Variants in ELMO1 observed in about 807,000 individuals in gnomAD.
ELMO1 encodes the protein engulfment and cell motility 1.
A neutral mutation model predicts 98.9 loss-of-function variants in ELMO1; 26 were observed. The ratio of observed to expected loss-of-function variants is 0.26; its 90% confidence interval spans 0.19 to 0.36. The LOEUF is 0.36. Among genes scored for constraint, ELMO1 ranks in the 10% least tolerant of loss-of-function variants. ELMO1 has a pLI of 1.00. For synonymous variants in ELMO1, 346 were observed against 346.0 expected, an observed-to-expected ratio of 1.00 and a Z score of 0.00; for missense variants, 627 against 935.2, an observed-to-expected ratio of 0.67 and a Z score of 4.30.
Position 37,296,985 on chromosome 7 carries a change from T to C in ELMO1, c.192+17865A>G, listed in dbSNP as rs771417911. 4.9e-4 allele frequency among the ~76,000 whole-genome samples: 75 copies of C among 152,200 alleles called. 1 individual carries two copies. Among genetic ancestry groups the C allele is most frequent in the Non-Finnish European group, 1.0e-4 (7 of 68,040 alleles). ...ACAGGTGCAGCAGCAGCGAACTTGC[T>C]GAGATGATTTTTCTTGAGTGGGTGG... On this transcript the variant is annotated intron_variant, in intron 4 of 21. Coordinates refer to ENST00000310758, the MANE Select transcript of ELMO1 (RefSeq NM_014800.11).
chr7:37,026,999 T>C (rs1794618007), intron 15 of ELMO1, among the ~76,000 whole-genome samples: 1 of 152,160 alleles, frequency 6.6e-6, no homozygotes, highest in South Asian at 2.1e-4. Context: ...TATGTTCCAC[T>C]TCAGGCACAG....
intron 13 of ELMO1, among the ~76,000 whole-genome samples, chr7:37,206,811 T>C (rs1563077070): frequency 6.6e-6 from 1 of 152,122 alleles, no homozygotes. Flanking sequence ...CATTATATTG[T>C]TGAGAAACAA....
chr7:37,445,070 A>G (rs1805556489), intron 1 of ELMO1, among the ~76,000 whole-genome samples: 1 of 152,174 alleles, frequency 6.6e-6, no homozygotes, highest in Admixed American at 6.5e-5. Context: ...TGACATTAAG[A>G]CTGGGTGTCT....
intron 4 of ELMO1, among the ~76,000 whole-genome samples, chr7:37,273,307 T>C (rs1796665657): frequency 6.6e-6 from 1 of 152,204 alleles, no homozygotes; most frequent in Non-Finnish European, 1.5e-5. Flanking sequence ...AACTGGATAA[T>C]AGGGGCAGTT....
At chr7:36,874,185 A>T (rs930232085) in intron 19 of ELMO1, among the ~76,000 whole-genome samples, 1 of 152,224 alleles carries the variant, frequency 6.6e-6, no homozygotes, top group Non-Finnish European at 1.5e-5. Flanking sequence ...TGTAACTCTA[A>T]CATTATCTAT....
chr7:37,132,925 G>A (rs541029354), intron 14 of ELMO1: 59 of 364,282 alleles, frequency 1.6e-4, no homozygotes, highest in African/African-American at 1.1e-3. Flanking sequence ...TAATGTCATC[G>A]AAATAAAAAA....
chr7:37,157,489 G>T (rs929343291), intron 13 of ELMO1, among the ~76,000 whole-genome samples: 1 of 152,148 alleles, frequency 6.6e-6, no homozygotes, highest in South Asian at 2.1e-4. Flanking sequence ...CAAAATCAAT[G>T]TGCAAAAATC....
At chr7:37,274,655 C>T (rs1341898691) in intron 4 of ELMO1, among the ~76,000 whole-genome samples, 3 of 152,098 alleles carry the variant, frequency 2.0e-5, no homozygotes, top group African/African-American at 7.2e-5. Context: ...CAGGTTCAAG[C>T]GATTCTCCTG....
intron 15 of ELMO1, among the ~76,000 whole-genome samples, chr7:37,023,638 T>C (rs775233670): frequency 6.6e-6 from 1 of 152,100 alleles, no homozygotes; most frequent in Non-Finnish European, 1.5e-5. Context: ...GATGGAGTCT[T>C]GCTCTGTCAC....
intron 14 of ELMO1, among the ~76,000 whole-genome samples, chr7:37,112,183 A>G (rs2129277478): frequency 6.6e-6 from 1 of 152,356 alleles, no homozygotes; most frequent in African/African-American, 2.4e-5. Context: ...GACAGAAAGT[A>G]AGGGCATAGG....
chr7:36,985,155 A>G (rs1339371296), intron 16 of ELMO1: 1 of 972,246 alleles, frequency 1.0e-6, no homozygotes, highest in Non-Finnish European at 1.2e-6. Context: ...AACCCCAGGG[A>G]GCAGAGCAAT....
intron 13 of ELMO1, among the ~76,000 whole-genome samples, chr7:37,199,615 T>C (rs1792169693): frequency 6.6e-6 from 1 of 152,112 alleles, no homozygotes; most frequent in African/African-American, 2.4e-5. Flanking sequence ...GGGAGTAACA[T>C]ATCCCATACG....
chr7:37,427,393 A>G (rs1229827023), intron 1 of ELMO1, among the ~76,000 whole-genome samples: 1 of 152,264 alleles, frequency 6.6e-6, no homozygotes, highest in East Asian at 1.9e-4. Context: ...GCAGCTCTGC[A>G]TGGAAGAATC....
In ELMO1 at chr7:37,293,045, G is replaced by C. The variant is rs1375886067; in HGVS notation, c.193-21163C>G. Reference sequence around the variant, plus strand: ...AGCCGCCCCGTCCGGGAGGGAGGTGGGGGGGTCAGCCCCCTGCCCGGCCAG... The same window carrying C: ...AGCCGCCCCGTCCGGGAGGGAGGTGCGGGGGTCAGCCCCCTGCCCGGCCAG... On this transcript the variant is annotated intron_variant, in intron 4 of 21. Coordinates refer to ENST00000310758, the MANE Select transcript of ELMO1 (RefSeq NM_014800.11). 5.7e-3 allele frequency among the ~76,000 whole-genome samples: 243 copies of C among 42,402 alleles called. 59 individuals are homozygous for C. Among genetic ancestry groups the C allele is most frequent in the African/African-American group, 0.014 (231 of 16,738 alleles). The allele number at this position is 42,402 out of a possible 152,430, so 27.8% of individuals were successfully genotyped here.
At chr7:36,966,430 T>C (rs2129127135) in intron 16 of ELMO1, among the ~76,000 whole-genome samples, 1 of 152,272 alleles carries the variant, frequency 6.6e-6, no homozygotes, top group East Asian at 1.9e-4. Context: ...TATCTACTGC[T>C]CCCCAAATAA....
intron 13 of ELMO1, among the ~76,000 whole-genome samples, chr7:37,142,290 T>C (rs760165754): frequency 6.6e-6 from 1 of 152,238 alleles, no homozygotes; most frequent in African/African-American, 2.4e-5. Context: ...TACACACAAA[T>C]TGATTATTTT....
In ELMO1 at chr7:36,870,135, G is replaced by A. The variant is rs1803385210; in HGVS notation, c.1905+258C>T. Among the ~76,000 whole-genome samples, 1 of 152,170 alleles carries A rather than the reference G, an allele frequency of 6.6e-6. No homozygotes were observed. Among genetic ancestry groups the A allele is most frequent in the Non-Finnish European group, 1.5e-5 (1 of 68,036 alleles). ...AGAGGACAAAGTGACAATAGTGAGG[G>A]CAATTCTTAGGGTTGGAAGTAGGCA... On this transcript the variant is annotated intron_variant, in intron 20 of 21. Coordinates refer to ENST00000310758, the MANE Select transcript of ELMO1 (RefSeq NM_014800.11). The surrounding 1 kb of genome is among the most constrained non-coding windows in gnomAD (Gnocchi z 4.4).
intron 15 of ELMO1, among the ~76,000 whole-genome samples, chr7:37,079,068 G>A (rs1377210583): frequency 6.6e-6 from 1 of 152,062 alleles, no homozygotes; most frequent in Non-Finnish European, 1.5e-5. Context: ...TTCAGAATCT[G>A]TTGGTAGACA....
intron 15 of ELMO1, among the ~76,000 whole-genome samples, chr7:37,024,008 A>C (rs1794427556): frequency 1.3e-5 from 2 of 152,110 alleles, no homozygotes; most frequent in South Asian, 4.1e-4. Flanking sequence ...GTTTCTTTCA[A>C]ATCATCTCCC....
Sources: gnomAD v4.1 joint callset for allele counts (sites outside exome capture counted in the v4.1 genomes callset) on GRCh38, gnomAD v4.1.1 for gene constraint, Gnocchi (gnomAD v3.1) non-coding constraint, MANE v1.5 for transcripts, NCBI Gene and HGNC (gene_info 2026-07-23, HGNC 2026-07-21) for gene names.